The following TMTC3 variants were observed in gnomAD, a reference collection of about 807,000 sequenced individuals.
TMTC3 encodes transmembrane O-mannosyltransferase targeting cadherins 3.
TMTC3 carries 52 observed loss-of-function variants against 92.2 expected under a neutral mutation model. The ratio of observed to expected loss-of-function variants is 0.56; its 90% CI spans 0.45 to 0.71. TMTC3 has a LOEUF of 0.71. Ranked by LOEUF, TMTC3 falls within the 30% of genes least tolerant of loss-of-function variation. TMTC3 has a pLI of 0.00. For missense variants in TMTC3, 896 were observed against 1,057.1 expected, an observed-to-expected ratio of 0.85 and a Z score of 2.11; for synonymous variants, 339 against 363.3, an observed-to-expected ratio of 0.93 and a Z score of 0.76.
intron 1 of TMTC3, among the ~76,000 whole-genome samples, chr12:88,143,517 CAG>C (rs1053510273): frequency 2.6e-5 from 4 of 152,220 alleles, no homozygotes; most frequent in African/African-American, 9.7e-5. Context: ...TGATTGAACA[CAG>C]ATCTCTCTGG....
chr12:88,180,443 A>G (rs1592744128), intron 10 of TMTC3, among the ~76,000 whole-genome samples: 1 of 152,220 alleles, frequency 6.6e-6, no homozygotes, highest in East Asian at 1.9e-4. Context: ...AGTAGCAGGT[A>G]CAGATAGCAG....
chr12:88,143,492 G>A (rs1372543360), intron 1 of TMTC3, among the ~76,000 whole-genome samples: 1 of 152,178 alleles, frequency 6.6e-6, no homozygotes, highest in African/African-American at 2.4e-5. Flanking sequence ...GAGAAGCTAA[G>A]TAACTTAAAT....
chr12:88,177,622 A>G (rs1337137982), intron 10 of TMTC3, among the ~76,000 whole-genome samples: 10 of 152,172 alleles, frequency 6.6e-5, no homozygotes, highest in Admixed American at 5.2e-4. Context: ...CAGGAGTGCT[A>G]TTGGCGTTTT....
chr12:88,192,612 T>G lies in TMTC3; in HGVS notation c.1715T>G (p.Leu572Trp), dbSNP rs765010389. Residue 572 changes from leucine (L) to tryptophan (W), a missense_variant, in exon 13 of 14, where the codon TTG becomes TGG. Leu to Trp is a moderately conservative substitution (Grantham distance 61). Coordinates refer to ENST00000266712, the MANE Select transcript of TMTC3 (RefSeq NM_181783.4). ...GTTTGATTTTTCCACAGAGGAGAAT[T>G]GCTTTTAAAAATGAATAAACCTCTT... ...FKQAYISRGE[L>W]LLKMNKPLKA... 6.2e-7 allele frequency: 1 copy of G among 1,602,908 alleles called. No homozygotes were observed. The highest frequency in any genetic ancestry group is 8.5e-7 in the Non-Finnish European group (1 of 1,171,188).
At chr12:88,170,996 A>G (rs1356114628) in intron 7 of TMTC3, among the ~76,000 whole-genome samples, 1 of 152,144 alleles carries the variant, frequency 6.6e-6, no homozygotes, top group Non-Finnish European at 1.5e-5. Context: ...CTGTTGATTT[A>G]AAGGGGGGCA....
Position 88,199,326 on chromosome 12 carries a change from G to A in TMTC3, c.*3677G>A, listed in dbSNP as rs971705383. 6.6e-6 allele frequency: 1 copy of A among 151,444 alleles called. No homozygotes were observed. Among genetic ancestry groups the A allele is most frequent in the African/African-American group, 2.4e-5 (1 of 41,248 alleles). 9.4% of individuals were successfully genotyped at this position (151,444 alleles called of 1,614,324 possible). Reference sequence around the variant, plus strand: ...CCTCAGTTTCTTCATCTACAAGTTGGGAAAAACATTTTCCTCTTAAAATTG... The same window carrying A: ...CCTCAGTTTCTTCATCTACAAGTTGAGAAAAACATTTTCCTCTTAAAATTG... On this transcript the variant is annotated 3_prime_UTR_variant, in exon 14 of 14. Coordinates refer to ENST00000266712, the MANE Select transcript of TMTC3 (RefSeq NM_181783.4).
At position 88,166,600 on chromosome 12, in the gene TMTC3, A is replaced by T. The variant is rs1565949273; in HGVS notation, c.1050+18A>T. The T allele has an allele frequency of 9.4e-6, 15 of 1,601,004 alleles. No individual in the cohort carries two copies. Among genetic ancestry groups the T allele is most frequent in the Non-Finnish European group, 1.2e-5 (14 of 1,175,122 alleles). On this transcript the variant is annotated intron_variant, in intron 7 of 13. Coordinates refer to ENST00000266712, the MANE Select transcript of TMTC3 (RefSeq NM_181783.4). ...TTTTAATGGTAAGAAACTTTTCTTA[A>T]CTTCCAAATGATGTTAACATTCAGT...
At chr12:88,193,805 A>G (rs1330235608) in intron 13 of TMTC3, among the ~76,000 whole-genome samples, 1 of 152,230 alleles carries the variant, frequency 6.6e-6, no homozygotes, top group Non-Finnish European at 1.5e-5. Flanking sequence ...AAGGTTTTCT[A>G]CCTTGATAAT....
Position 88,196,796 on chromosome 12 carries a change from T to C in TMTC3, c.*1147T>C, listed in dbSNP as rs1356319168. The C allele has an allele frequency of 6.6e-6, 1 of 151,890 alleles. No individual in the cohort carries two copies. The highest frequency in any genetic ancestry group is 6.6e-5 in the Admixed American group (1 of 15,244). The allele number at this position is 151,890 out of a possible 1,614,324, so 9.4% of individuals were successfully genotyped here. ...ACTATTGCATTTTCCTATATATGCA[T>C]ATATTATGGATTAACCAGAATTGTA... On this transcript the variant is annotated 3_prime_UTR_variant, in exon 14 of 14. Coordinates refer to ENST00000266712, the MANE Select transcript of TMTC3 (RefSeq NM_181783.4).
intron 10 of TMTC3, among the ~76,000 whole-genome samples, chr12:88,180,375 T>C (rs939811687): frequency 1.3e-5 from 2 of 151,762 alleles, no homozygotes; most frequent in African/African-American, 4.8e-5. Context: ...GGGAAGGGGG[T>C]GTCTGCCCAG....
chr12:88,195,605 T>G lies in TMTC3; in HGVS notation c.2701T>G (p.Leu901Val), dbSNP rs1565962002. ...AATTGAGAAGAAAAGAGTTGCTGCT[T>G]TAAAAAGACTAGAAGAGATTGAACG... ...KEIEKKRVAA[L>V]KRLEEIERIL... Residue 901 changes from leucine to valine, a missense_variant, in exon 14 of 14, where the codon TTA (leucine) becomes GTA (valine). By Grantham distance (32) the Leu-to-Val change is conservative (BLOSUM62 1). Coordinates refer to ENST00000266712, the MANE Select transcript of TMTC3 (RefSeq NM_181783.4). The G allele has an allele frequency of 1.2e-6, 2 of 1,601,756 alleles. No individual in the cohort carries two copies. Among genetic ancestry groups the G allele is most frequent in the Non-Finnish European group, 8.5e-7 (1 of 1,176,884 alleles).
Position 88,148,413 on chromosome 12 carries a change from T to G in TMTC3, c.98T>G (p.Val33Gly). The change falls in exon 2 of 14, where the codon GTT becomes GGT. Residue 33 changes from valine (V) to glycine (G), a missense_variant. Coordinates refer to ENST00000266712, the MANE Select transcript of TMTC3 (RefSeq NM_181783.4). ...SLFCGFVFDD[V>G]SAILDNKDLH... ...TTTTGTGGTTTTGTTTTTGATGATG[T>G]TTCAGCAATACTGGATAACAAAGAC... is the stretch of plus-strand genomic sequence containing the variant. 6.2e-7 allele frequency: 1 copy of G among 1,613,626 alleles called. No homozygotes were observed. The highest frequency in any genetic ancestry group is 1.1e-5 in the South Asian group (1 of 91,054).
In TMTC3 at chr12:88,152,039, C is replaced by A. The variant is rs75515286; in HGVS notation, c.190-1252C>A. Reference sequence around the variant, plus strand: ...AACAGGCTTAAGTCTACTTGTGTGCCAGAAAGTTACAGCAAAATATGATAG... The same window carrying A: ...AACAGGCTTAAGTCTACTTGTGTGCAAGAAAGTTACAGCAAAATATGATAG... On this transcript the variant is annotated intron_variant, in intron 2 of 13. Coordinates refer to ENST00000266712, the MANE Select transcript of TMTC3 (RefSeq NM_181783.4). Among the ~76,000 whole-genome samples the A allele has an allele frequency of 6.4e-4, 98 of 152,188 alleles. 2 individuals carry two copies. The East Asian group carries it at 0.013, about 21-fold the overall frequency.
chr12:88,185,348 T>G (rs546826910), intron 10 of TMTC3, among the ~76,000 whole-genome samples: 11 of 152,200 alleles, frequency 7.2e-5, no homozygotes, highest in African/African-American at 2.6e-4. Flanking sequence ...CTCTTTTTTT[T>G]TTTTCTTGGC....
chr12:88,164,038 G>GAA (rs1446315136), intron 6 of TMTC3, among the ~76,000 whole-genome samples: 2 of 151,546 alleles, frequency 1.3e-5, no homozygotes, highest in African/African-American at 4.8e-5. Flanking sequence ...ACTAAAAATA[G>GAA]AAAAATTAGC....
chr12:88,144,391 C>CT (rs2138348755), intron 1 of TMTC3, among the ~76,000 whole-genome samples: 1 of 151,822 alleles, frequency 6.6e-6, no homozygotes, highest in East Asian at 1.9e-4. Context: ...TCTGTTTTCT[C>CT]TAACACCTTT....
At chr12:88,187,830 T>C (rs1163174122) in intron 10 of TMTC3, among the ~76,000 whole-genome samples, 1 of 152,234 alleles carries the variant, frequency 6.6e-6, no homozygotes, top group Non-Finnish European at 1.5e-5. Context: ...TTTTCATGTA[T>C]TTTAGTTCGT....
Position 88,172,934 on chromosome 12 carries a change from C to A in TMTC3, c.1199+189C>A, listed in dbSNP as rs755116367. ...CCATGGCACCTACTTATTCTGTGTT[C>A]TTCCCTATATTTATGTAATTTGATT... On this transcript the variant is annotated intron_variant, in intron 8 of 13. Transcript: ENST00000266712. 2.0e-6 allele frequency: 3 copies of A among 1,484,516 alleles called. No homozygotes were observed. In the South Asian group the frequency reaches 3.6e-5, roughly 18 times the overall value. The allele number at this position is 1,484,516 out of a possible 1,614,324, so 92.0% of individuals were successfully genotyped here.
intron 10 of TMTC3, among the ~76,000 whole-genome samples, chr12:88,176,674 C>A (rs1051667818): frequency 1.3e-5 from 2 of 152,094 alleles, no homozygotes; most frequent in African/African-American, 4.8e-5. Flanking sequence ...ACTTGGGAGG[C>A]TCAGGTGGGA....
Sources: gnomAD v4.1 joint callset for allele counts (sites outside exome capture counted in the v4.1 genomes callset) on GRCh38, gnomAD v4.1.1 for gene constraint, MANE v1.5 for transcripts, NCBI Gene and HGNC (gene_info 2026-07-23, HGNC 2026-07-21) for gene names.